PAXIP1: variants seen among roughly 807,000 people sequenced by gnomAD.
PAXIP1 encodes the protein PAX-interacting protein 1.
Under a neutral mutation model 140.6 loss-of-function variants are expected in PAXIP1, and 19 were observed. The observed-to-expected ratio is 0.14, with a 90% CI of 0.09 to 0.20. The LOEUF (loss-of-function observed/expected upper bound fraction) is 0.20. Ranked by LOEUF, PAXIP1 falls within the 10% of genes least tolerant of loss-of-function variation. The probability of loss-of-function intolerance (pLI) is 1.00; values close to 1 mark genes in which losing one functional copy is unlikely to be tolerated. For synonymous variants in PAXIP1, 442 were observed against 444.6 expected, an observed-to-expected ratio of 0.99 and a Z score of 0.07; for missense variants, 920 against 1,208.6, an observed-to-expected ratio of 0.76 and a Z score of 3.54.
At chr7:154,998,080 T>A (rs1443044467) in intron 2 of PAXIP1, among the ~76,000 whole-genome samples, 1 of 152,164 alleles carries the variant, frequency 6.6e-6, no homozygotes, top group Non-Finnish European at 1.5e-5. Context: ...GCAGCAGGCA[T>A]AAAGGATGGC....
chr7:154,965,226 A>T (rs1808952976), intron 8 of PAXIP1: 1 of 152,280 alleles, frequency 6.6e-6, no homozygotes, highest in Admixed American at 6.5e-5. Context: ...CTCTGTGGTG[A>T]GGAGCTGAGG....
intron 6 of PAXIP1, among the ~76,000 whole-genome samples, chr7:154,970,492 T>G (rs1809249820): frequency 6.6e-6 from 1 of 152,236 alleles, no homozygotes; most frequent in South Asian, 2.1e-4. Flanking sequence ...ATAAAAGGAT[T>G]CAAGACTTCA....
Position 154,956,713 on chromosome 7 carries a change from C to T in PAXIP1, c.2549+511G>A, listed in dbSNP as rs1345137549. ...CTCCTTCCCACCGTGGCCAACATTG[C>T]TTTGTCCTCATCAAGAACTGGCAGA... On this transcript the variant is annotated intron_variant, in intron 14 of 20. Transcript: ENST00000404141. This position sits in a 1 kb window ranked among gnomAD's most constrained non-coding sequence, Gnocchi z 4.2. The T allele has an allele frequency of 6.5e-6, 1 of 153,206 alleles. No homozygotes were observed. Among genetic ancestry groups the T allele is most frequent in the East Asian group, 1.9e-4 (1 of 5,218 alleles). 9.5% of individuals were successfully genotyped at this position (153,206 alleles called of 1,614,324 possible).
At position 155,002,915 on chromosome 7, in the gene PAXIP1, C is replaced by T. The variant is rs377451705; in HGVS notation, c.15G>A (p.Ala5=). The change falls in exon 1 of 21, where the codon GCG becomes GCA. Residue 5 remains alanine (A), a synonymous_variant. Transcript: ENST00000404141. The part of the protein sequence containing the change: MSDQ[A]PKVPEEMFRE... ...TGAACATCTCCTCAGGAACTTTGGG[C>T]GCCTGGTCCGACATGATCGCGGCGG... 2 of 1,364,736 alleles carry T rather than the reference C, an allele frequency of 1.5e-6. No homozygotes were observed. The highest frequency in any genetic ancestry group is 1.5e-5 in the South Asian group (1 of 67,744). The allele number at this position is 1,364,736 out of a possible 1,614,324, so 84.5% of individuals were successfully genotyped here.
In PAXIP1 at chr7:154,954,276, A is replaced by T. The variant is rs374966492; in HGVS notation, c.2800T>A (p.Phe934Ile). The change falls in exon 16 of 21, where the codon TTC becomes ATC. Residue 934 changes from phenylalanine (F) to isoleucine (I), a missense_variant. Phe to Ile is a conservative substitution (Grantham distance 21). This residue lies in a region of PAXIP1 where 303 missense variants were observed against 517.9 expected (regional missense o/e 0.59). Transcript: ENST00000404141. The surrounding 1 kb of genome is among the most constrained non-coding windows in gnomAD (Gnocchi z 5.1). ...IVTPEWLEECFRCQKFIDEQN... is the reference protein window; with the variant it reads ...IVTPEWLEECIRCQKFIDEQN... ...TTACCAATGAACTTCTGACACCTGA[A>T]GCATTCTTCCAGCCACTCTGGCGTC... The T allele has an allele frequency of 6.4e-7, 1 of 1,566,162 alleles. No individual in the cohort carries two copies. The highest frequency in any genetic ancestry group is 8.7e-7 in the Non-Finnish European group (1 of 1,145,340).
chr7:155,002,784 A>G (rs1810984335), intron 1 of PAXIP1, 65 bp downstream of exon 1: 2 of 892,224 alleles, frequency 2.2e-6, no homozygotes, highest in South Asian at 2.4e-5. Context: ...GGGGACGGGG[A>G]CGGGGACGGG....
chr7:154,994,016 T>G (rs1261260324), intron 2 of PAXIP1, among the ~76,000 whole-genome samples: 1 of 152,142 alleles, frequency 6.6e-6, no homozygotes, highest in Admixed American at 6.6e-5. Context: ...ACATTTAAGT[T>G]CCAGGTTTAC....
At chr7:154,947,663 A>C in intron 17 of PAXIP1, 1 of 427,826 alleles carries the variant, frequency 2.3e-6, no homozygotes, top group East Asian at 3.6e-5. Context: ...GTATTTATTA[A>C]ATTTGTGTAC....
At chr7:155,000,372 T>A (rs1486448159) in intron 1 of PAXIP1, 1 of 152,166 alleles carries the variant, frequency 6.6e-6, no homozygotes, top group Non-Finnish European at 1.5e-5. Flanking sequence ...AAGGCACCCC[T>A]CCTTTTCCTA....
intron 5 of PAXIP1, among the ~76,000 whole-genome samples, chr7:154,977,321 T>A (rs911140487): frequency 6.6e-6 from 1 of 152,196 alleles, no homozygotes; most frequent in Non-Finnish European, 1.5e-5. Context: ...GCTTAACACA[T>A]AACAGCAATT....
At chr7:154,998,892 C>T (rs746449449) in intron 1 of PAXIP1, 108 bp from the exon 2 acceptor site, 1 of 898,556 alleles carries the variant, frequency 1.1e-6, no homozygotes, top group Non-Finnish European at 1.7e-6. Context: ...TAAAAACACA[C>T]CATATTCCCC....
At chr7:154,982,674 C>A (rs1297479293) in intron 5 of PAXIP1, among the ~76,000 whole-genome samples, 2 of 152,160 alleles carry the variant, frequency 1.3e-5, no homozygotes, top group African/African-American at 2.4e-5. Context: ...TCTAACAAGT[C>A]CCCAAGGGGG....
intron 6 of PAXIP1, among the ~76,000 whole-genome samples, chr7:154,972,243 T>C (rs995658529): frequency 6.6e-6 from 1 of 152,188 alleles, no homozygotes; most frequent in Non-Finnish European, 1.5e-5. Context: ...TCCCAGCACT[T>C]TGGGAGGCCG....
Position 154,969,102 on chromosome 7 carries a change from T to C in PAXIP1, c.1099A>G (p.Thr367Ala). The C allele has an allele frequency of 6.7e-7, 1 of 1,486,434 alleles. No homozygotes were observed. Among genetic ancestry groups the C allele is most frequent in the Non-Finnish European group, 9.0e-7 (1 of 1,113,170 alleles). The allele number at this position is 1,486,434 out of a possible 1,614,324, so 92.1% of individuals were successfully genotyped here. A position where few individuals can be genotyped will look rare whatever the true frequency, so the allele number is the denominator to read the frequency against. The change falls in exon 7 of 21, where the codon ACG becomes GCG. Residue 367 changes from threonine (T) to alanine (A), a missense_variant. Transcript: ENST00000404141. ...TTCACCTGCTGTTCTAAATTTTTCG[T>C]AGGTGCTGAAAGAGTCTGTAAGATC... ...AHILQTLSAP[T>A]KNLEQQVNHS...
rs1807802964 is a variant in PAXIP1 at position 154,943,865 on chromosome 7, A to C, written c.*284T>G. The C allele has an allele frequency of 2.5e-6, 1 of 400,716 alleles. No individual in the cohort carries two copies. The highest frequency in any genetic ancestry group is 4.6e-6 in the Non-Finnish European group (1 of 216,730). 24.8% of individuals were successfully genotyped at this position (400,716 alleles called of 1,614,324 possible). ...TTATTTCTAGTTGAAGTCCCGTAAC[A>C]GTTTTGTGAAAACATTTAAAAACCT... On this transcript the variant is annotated 3_prime_UTR_variant, in exon 21 of 21. Coordinates refer to ENST00000404141, the MANE Select transcript of PAXIP1 (RefSeq NM_007349.4).
chr7:154,978,765 G>GA (rs1281689873), intron 5 of PAXIP1, among the ~76,000 whole-genome samples: 1 of 151,932 alleles, frequency 6.6e-6, no homozygotes, highest in Non-Finnish European at 1.5e-5. Context: ...AGTAAAATAT[G>GA]AAAAAAAGTT....
chr7:154,962,241 C>T, intron 10 of PAXIP1, 80 bp downstream of exon 10: 1 of 1,499,646 alleles, frequency 6.7e-7, no homozygotes, highest in Non-Finnish European at 9.2e-7. Flanking sequence ...ACGCAGGAGC[C>T]TCAGGTAAGC....
At chr7:154,945,723 C>CCTAT in intron 20 of PAXIP1, 1 of 985,372 alleles carries the variant, frequency 1.0e-6, no homozygotes, top group South Asian at 4.7e-5. Context: ...CAGAATTTTC[C>CCTAT]CATAAGGACC....
At chr7:154,966,843 C>T (rs1029569455) in intron 8 of PAXIP1, among the ~76,000 whole-genome samples, 1 of 152,220 alleles carries the variant, frequency 6.6e-6, no homozygotes, top group East Asian at 1.9e-4. Context: ...TTGGAAGACA[C>T]ACCAGCCCTG....
Sources: gnomAD v4.1 joint callset for allele counts (sites outside exome capture counted in the v4.1 genomes callset) on GRCh38, gnomAD v4.1.1 for gene constraint, gnomAD v4.1.1 regional missense constraint, Gnocchi (gnomAD v3.1) non-coding constraint, MANE v1.5 for transcripts, NCBI Gene and HGNC (gene_info 2026-07-23, HGNC 2026-07-21) for gene names.